C1orf21: variants seen among roughly 807,000 people sequenced by gnomAD.
The protein encoded by C1orf21 is chromosome 1 open reading frame 21.
In C1orf21, 3 loss-of-function variants were observed where a neutral mutation model predicts 18.7. That is an observed-to-expected ratio of 0.16 (90% CI 0.07 to 0.42). C1orf21 has a LOEUF of 0.42. C1orf21 is among the 10% of genes least tolerant of loss of function. C1orf21 has a pLI of 0.99. For missense variants in C1orf21, 104 were observed against 143.6 expected (o/e 0.72, Z 1.41); for synonymous variants, 41 against 46.4 (o/e 0.88, Z 0.47).
chr1:184,524,245 G>A (rs995415510), intron 3 of C1orf21, among the ~76,000 whole-genome samples: 3 of 152,104 alleles, frequency 2.0e-5, no homozygotes. Flanking sequence ...TGAATATACT[G>A]TATTTCATAC....
Position 184,560,055 on chromosome 1 carries a change from G to A in C1orf21, c.190-30684G>A, listed in dbSNP as rs1010760932. Among the ~76,000 whole-genome samples, 13 of 152,146 alleles carry A rather than the reference G, an allele frequency of 8.5e-5. No homozygotes were observed. The East Asian group carries it at 9.7e-4, about 11-fold the overall frequency. The stretch of plus-strand genomic sequence containing the variant: ...ATGTGAGCCACCGTGCCCAGCCCTC[G>A]GGTTTCTCCTCTATAGCAATGCAAG... On this transcript the variant is annotated intron_variant, in intron 3 of 5. Transcript: ENST00000235307.
intron 4 of C1orf21, among the ~76,000 whole-genome samples, chr1:184,593,899 G>A (rs145724387): frequency 9.1e-4 from 138 of 152,206 alleles, no homozygotes; most frequent in Middle Eastern, 6.8e-3. Flanking sequence ...AGAACATGAC[G>A]CACTCTATAA....
At chr1:184,414,242 C>T (rs1282216035) in intron 1 of C1orf21, among the ~76,000 whole-genome samples, 2 of 152,140 alleles carry the variant, frequency 1.3e-5, no homozygotes, top group Non-Finnish European at 2.9e-5. Context: ...GCGATCCTCC[C>T]TCTTCAGCCT....
chr1:184,594,528 G>T (rs948106093), intron 4 of C1orf21, among the ~76,000 whole-genome samples: 6 of 152,208 alleles, frequency 3.9e-5, no homozygotes, highest in Non-Finnish European at 7.4e-5. Flanking sequence ...GCTGAAATAT[G>T]TGGGGAGACT....
chr1:184,545,190 A>C (rs1239202897), intron 3 of C1orf21, among the ~76,000 whole-genome samples: 3 of 152,168 alleles, frequency 2.0e-5, no homozygotes, highest in Non-Finnish European at 4.4e-5. Context: ...CTACTCTAAA[A>C]ACACAAAAGC....
At chr1:184,420,789 C>T (rs1656535734) in intron 1 of C1orf21, among the ~76,000 whole-genome samples, 1 of 151,830 alleles carries the variant, frequency 6.6e-6, no homozygotes, top group Admixed American at 6.6e-5. Context: ...TTGTAATTTT[C>T]TAAATATTTT....
intron 1 of C1orf21, among the ~76,000 whole-genome samples, chr1:184,395,598 G>A (rs1255532890): frequency 2.0e-5 from 3 of 151,946 alleles, no homozygotes; most frequent in Non-Finnish European, 4.4e-5. Context: ...CAGGAGAATT[G>A]ACATGCGAAC....
chr1:184,454,804 G>T (rs979128905), intron 1 of C1orf21, among the ~76,000 whole-genome samples: 2 of 152,138 alleles, frequency 1.3e-5, no homozygotes, highest in Admixed American at 1.3e-4. Context: ...CTGTGGAACT[G>T]TGAGCCAATT....
chr1:184,562,437 T>G (rs1658980913), intron 3 of C1orf21, among the ~76,000 whole-genome samples: 1 of 152,198 alleles, frequency 6.6e-6, no homozygotes, highest in South Asian at 2.1e-4. Flanking sequence ...TCTGCACAGT[T>G]TATCAGTCAA....
intron 3 of C1orf21, among the ~76,000 whole-genome samples, chr1:184,542,823 A>G (rs1385544418): frequency 2.0e-5 from 3 of 152,206 alleles, no homozygotes; most frequent in Non-Finnish European, 4.4e-5. Flanking sequence ...GTTCACTTCA[A>G]TGAGCCCAGA....
At chr1:184,589,680 A>G (rs1659410550) in intron 3 of C1orf21, among the ~76,000 whole-genome samples, 1 of 152,234 alleles carries the variant, frequency 6.6e-6, no homozygotes. Context: ...ACAAAATCAC[A>G]TATTTTTTGG....
At chr1:184,604,343 T>C (rs1467809196) in intron 5 of C1orf21, among the ~76,000 whole-genome samples, 1 of 152,144 alleles carries the variant, frequency 6.6e-6, no homozygotes, top group Non-Finnish European at 1.5e-5. Flanking sequence ...GGTGTGTTCC[T>C]CCCACCCAGC....
chr1:184,495,437 T>C (rs998920621), intron 2 of C1orf21, among the ~76,000 whole-genome samples: 1 of 152,180 alleles, frequency 6.6e-6, no homozygotes, highest in Admixed American at 6.5e-5. Flanking sequence ...GAAGCATAGA[T>C]CTCTGTGGAG....
At position 184,421,905 on chromosome 1, in the gene C1orf21, G is replaced by C. The variant is rs543342768; in HGVS notation, c.-125+34537G>C. 2.6e-5 allele frequency among the ~76,000 whole-genome samples: 4 copies of C among 152,236 alleles called. No individual in the cohort carries two copies. The East Asian group carries it at 7.7e-4, about 29-fold the overall frequency. ...TTGTCTATGGTGCTTTATAAAGTCC[G>C]CTTCCCCATGAGTGCAAGGTCCTCT... On this transcript the variant is annotated intron_variant, in intron 1 of 5. Coordinates refer to ENST00000235307, the MANE Select transcript of C1orf21 (RefSeq NM_030806.4).
At chr1:184,562,169 G>T (rs1658977821) in intron 3 of C1orf21, among the ~76,000 whole-genome samples, 1 of 152,128 alleles carries the variant, frequency 6.6e-6, no homozygotes, top group African/African-American at 2.4e-5. Context: ...TTCATGGAAA[G>T]CAGGAAAACC....
chr1:184,617,903 TG>T (rs55899029), intron 5 of C1orf21, among the ~76,000 whole-genome samples: 14,785 of 114,504 alleles, frequency 0.13, 919 homozygotes, highest in East Asian at 0.24. Flanking sequence ...TTGTTGTTGT[TG>T]TTTTTTTTTT....
At chr1:184,570,255 C>T (rs918343220) in intron 3 of C1orf21, among the ~76,000 whole-genome samples, 6 of 151,924 alleles carry the variant, frequency 3.9e-5, no homozygotes, top group South Asian at 2.1e-4. Flanking sequence ...AGCAAGTTTG[C>T]GCGTATATCC....
chr1:184,578,647 A>T (rs1457528100), intron 3 of C1orf21, among the ~76,000 whole-genome samples: 1 of 152,208 alleles, frequency 6.6e-6, no homozygotes, highest in Non-Finnish European at 1.5e-5. Context: ...TCTGTGAAAT[A>T]CCTATATGTT....
At chr1:184,567,118 A>G (rs1463381387) in intron 3 of C1orf21, 6 of 468,816 alleles carry the variant, frequency 1.3e-5, no homozygotes, top group Non-Finnish European at 1.7e-5. Context: ...TATTCCTTCC[A>G]CAGTCTCCAA....
Sources: gnomAD v4.1 joint callset for allele counts (sites outside exome capture counted in the v4.1 genomes callset) on GRCh38, gnomAD v4.1.1 for gene constraint, MANE v1.5 for transcripts, NCBI Gene and HGNC (gene_info 2026-07-23, HGNC 2026-07-21) for gene names.